Variants in AFAP1L2 observed in about 807,000 individuals in gnomAD.
The protein encoded by AFAP1L2 is actin filament associated protein 1 like 2.
A neutral mutation model predicts 99.3 loss-of-function variants in AFAP1L2; 46 were observed. The ratio of observed to expected loss-of-function variants is 0.46; its 90% CI spans 0.37 to 0.59. The LOEUF is 0.59. Among genes scored for constraint, AFAP1L2 ranks in the 20% least tolerant of loss-of-function variants. The pLI, the probability that AFAP1L2 is intolerant of heterozygous loss-of-function variation, is 0.00. For synonymous variants in AFAP1L2, 397 were observed against 419.1 expected (o/e 0.95, Z 0.64); for missense variants, 959 against 1,034.9 (o/e 0.93, Z 1.01).
At chr10:114,293,360 C>T (rs2039776153), downstream of AFAP1L2, among the ~76,000 whole-genome samples, 1 of 152,146 alleles carries the variant, frequency 6.6e-6, no homozygotes, top group South Asian at 2.1e-4. Context: ...TTGTCTTGTT[C>T]CGGGCTGGTA....
chr10:114,291,567 AC>A, downstream of AFAP1L2: 1 of 313,056 alleles, frequency 3.2e-6, no homozygotes, highest in Non-Finnish European at 5.9e-6. Context: ...TTGAGGATAA[AC>A]AAGGGGTCCT....
At chr10:114,367,496 G>C (rs2053449838) in intron 1 of AFAP1L2, among the ~76,000 whole-genome samples, 1 of 152,144 alleles carries the variant, frequency 6.6e-6, no homozygotes, top group Non-Finnish European at 1.5e-5. Context: ...TACAATACAG[G>C]ATGTGGTCGT....
chr10:114,291,140 A>AGG, downstream of AFAP1L2: 1 of 1,505,208 alleles, frequency 6.6e-7, no homozygotes, highest in South Asian at 1.2e-5. Context: ...CAGGACCTGA[A>AGG]GGGGTCCTCA....
At chr10:114,337,577 C>T (rs140814268) in intron 2 of AFAP1L2, among the ~76,000 whole-genome samples, 5 of 152,180 alleles carry the variant, frequency 3.3e-5, no homozygotes, top group African/African-American at 1.2e-4. Context: ...CTTCCCACCC[C>T]CTACGAGCTG....
intron 1 of AFAP1L2, among the ~76,000 whole-genome samples, chr10:114,354,585 T>C (rs1480833058): frequency 5.9e-5 from 9 of 152,184 alleles, no homozygotes; most frequent in Non-Finnish European, 1.3e-4. Flanking sequence ...CAGGCCCTGG[T>C]GATGAGTTCA....
intron 1 of AFAP1L2, among the ~76,000 whole-genome samples, chr10:114,379,479 G>A (rs2055308145): frequency 6.6e-6 from 1 of 152,124 alleles, no homozygotes; most frequent in Admixed American, 6.6e-5. Flanking sequence ...AATAAAGAAT[G>A]AGTCACCCAC....
intron 1 of AFAP1L2, among the ~76,000 whole-genome samples, chr10:114,356,564 T>G (rs2051421481): frequency 6.6e-6 from 1 of 152,260 alleles, no homozygotes. Context: ...TCATTAAAAT[T>G]ACATATGTGT....
chr10:114,302,184 C>G (rs2041314278), intron 12 of AFAP1L2, among the ~76,000 whole-genome samples, 155 bp downstream of exon 12: 1 of 152,164 alleles, frequency 6.6e-6, no homozygotes, highest in Non-Finnish European at 1.5e-5. Context: ...GGCCGGGCCT[C>G]CCTGAGGGCT....
the AFAP1L2 span, chr10:114,289,588 T>TA: frequency 1.2e-5 from 17 of 1,389,590 alleles, no homozygotes; most frequent in Non-Finnish European, 1.7e-5. Flanking sequence ...TCTTCCCAGC[T>TA]ACTGAGCACT....
In AFAP1L2 at chr10:114,297,042, G is replaced by T. The variant is rs1313998148; in HGVS notation, c.2366C>A (p.Thr789Lys). Residue 789 changes from threonine to lysine, a missense_variant, in exon 18 of 19, where the codon ACA becomes AAA. By Grantham distance (78) the Thr-to-Lys change is moderately conservative. Transcript: ENST00000304129. The stretch of plus-strand genomic sequence containing the variant: ...GACCGAGAGAGGCCTGTTCTTGAGT[G>T]TGGTTGCAGAGTTGACTGGGGTACA... ...PDCTPVNSATTLKNRPLSVVV... is the reference protein window; with the variant it reads ...PDCTPVNSATKLKNRPLSVVV... 1 of 1,614,082 alleles carries T rather than the reference G, an allele frequency of 6.2e-7. No individual in the cohort carries two copies.
chr10:114,375,010 G>A lies in AFAP1L2; in HGVS notation c.16+29430C>T, dbSNP rs183116821. Among the ~76,000 whole-genome samples, 446 of 152,180 alleles carry A rather than the reference G, an allele frequency of 2.9e-3. 3 individuals carry two copies. The highest frequency in any genetic ancestry group is 5.1e-3 in the Non-Finnish European group (344 of 68,004). ...AACCTAGTCAGGTCAGGCATTACTC[G>A]GGGCTACTGCCTGATCCTCTAGAAC... is the stretch of plus-strand genomic sequence containing the variant. On this transcript the variant is annotated intron_variant, in intron 1 of 18. Coordinates refer to ENST00000304129, the MANE Select transcript of AFAP1L2 (RefSeq NM_001001936.3).
At chr10:114,316,074 T>G (rs2044087045) in intron 5 of AFAP1L2, among the ~76,000 whole-genome samples, 1 of 152,238 alleles carries the variant, frequency 6.6e-6, no homozygotes, top group African/African-American at 2.4e-5. Context: ...GAGAAGACAC[T>G]GCCCCACAGA....
intron 1 of AFAP1L2, among the ~76,000 whole-genome samples, chr10:114,389,481 CA>C (rs2056888834): frequency 6.6e-6 from 1 of 152,176 alleles, no homozygotes; most frequent in African/African-American, 2.4e-5. Context: ...TCCAATCCAT[CA>C]GGTACTAGAA....
intron 5 of AFAP1L2, among the ~76,000 whole-genome samples, chr10:114,316,899 T>C (rs2044229457): frequency 6.6e-6 from 1 of 152,210 alleles, no homozygotes. Flanking sequence ...GAGGGCTCAC[T>C]ATCTCCTGAT....
At chr10:114,324,889 G>C (rs1334244268) in intron 4 of AFAP1L2, among the ~76,000 whole-genome samples, 1 of 152,220 alleles carries the variant, frequency 6.6e-6, no homozygotes, top group East Asian at 1.9e-4. Context: ...GGGGGACCCA[G>C]GATGGAGGTA....
chr10:114,353,717 A>C (rs2136282698), intron 1 of AFAP1L2, among the ~76,000 whole-genome samples: 1 of 152,338 alleles, frequency 6.6e-6, no homozygotes, highest in East Asian at 1.9e-4. Flanking sequence ...AGGACAGCAA[A>C]GTGTGGGAAA....
Position 114,295,178 on chromosome 10 carries a change from A to G in AFAP1L2, c.*864T>C. 1.0e-6 allele frequency: 1 copy of G among 985,762 alleles called. No homozygotes were observed. Among genetic ancestry groups the G allele is most frequent in the Non-Finnish European group, 1.2e-6 (1 of 829,816 alleles). 61.1% of individuals were successfully genotyped at this position (985,762 alleles called of 1,614,324 possible). On this transcript the variant is annotated 3_prime_UTR_variant, in exon 19 of 19. Coordinates refer to ENST00000304129, the MANE Select transcript of AFAP1L2 (RefSeq NM_001001936.3). ...GAACTTAAAATCAGAGACTATTTAT[A>G]TTAAATAACTCTTCCCTTAAAAATG... is the stretch of plus-strand genomic sequence containing the variant.
intron 1 of AFAP1L2, among the ~76,000 whole-genome samples, chr10:114,401,114 C>CG (rs1261540337): frequency 6.6e-6 from 1 of 152,144 alleles, no homozygotes; most frequent in African/African-American, 2.4e-5. Context: ...TAGAGCTAAG[C>CG]GGGGGGACTG....
At position 114,308,442 on chromosome 10, in the gene AFAP1L2, T is replaced by A. The variant is rs768064098; in HGVS notation, c.958A>T (p.Thr320Ser). ...SVDGHPEVPE[T>S]KDVKKKCSAG... ...AACCACATGATGTTACCGTCTTTGG[T>A]TTCTGGGACCTCAGGGTGGCCATCC... The change falls in exon 9 of 19, where the codon ACC (threonine) becomes TCC (serine). Residue 320 changes from threonine (T) to serine (S), a missense_variant. Physicochemically the swap from Thr to Ser is moderately conservative, Grantham distance 58. Around this residue, in one of 2 missense-constraint regions of AFAP1L2, gnomAD observed 383 missense variants for 472.8 expected, o/e 0.81. Coordinates refer to ENST00000304129, the MANE Select transcript of AFAP1L2 (RefSeq NM_001001936.3). 1 of 1,614,042 alleles carries A rather than the reference T, an allele frequency of 6.2e-7. No individual in the cohort carries two copies. The highest frequency in any genetic ancestry group is 1.7e-5 in the Admixed American group (1 of 60,014).
Sources: gnomAD v4.1 joint callset for allele counts (sites outside exome capture counted in the v4.1 genomes callset) on GRCh38, gnomAD v4.1.1 for gene constraint, gnomAD v4.1.1 regional missense constraint, MANE v1.5 for transcripts, NCBI Gene and HGNC (gene_info 2026-07-23, HGNC 2026-07-21) for gene names.